Variants in CREB5 observed in about 807,000 individuals in gnomAD.
The protein encoded by CREB5 is cAMP responsive element binding protein 5.
In CREB5, 19 loss-of-function variants were observed where a neutral mutation model predicts 57.1. That is an observed-to-expected ratio of 0.33 (90% confidence interval 0.23 to 0.49). The LOEUF (loss-of-function observed/expected upper bound fraction) is 0.49, where lower values mean the gene tolerates loss of function less well. Among genes scored for constraint, CREB5 ranks in the 20% least tolerant of loss-of-function variants. CREB5 has a pLI of 0.99. For synonymous variants in CREB5, 238 were observed against 238.3 expected (o/e 1.00, Z 0.01); for missense variants, 579 against 671.6 (o/e 0.86, Z 1.52).
intron 1 of CREB5, among the ~76,000 whole-genome samples, chr7:28,359,258 A>G (rs1428413103): frequency 6.6e-6 from 1 of 152,154 alleles, no homozygotes; most frequent in African/African-American, 2.4e-5. Flanking sequence ...TGGCTGGATA[A>G]AGAGATAGTT....
intron 5 of CREB5, among the ~76,000 whole-genome samples, chr7:28,713,770 G>A (rs7806547): frequency 0.42 from 63,833 of 151,958 alleles, 14,255 homozygotes; most frequent in African/African-American, 0.56. Context: ...TTACAAGATG[G>A]TGAAATGGAG....
chr7:28,614,137 G>A (rs1797510584), intron 5 of CREB5, among the ~76,000 whole-genome samples: 1 of 151,918 alleles, frequency 6.6e-6, no homozygotes, highest in African/African-American at 2.4e-5. Context: ...TTTTTTGTAT[G>A]TTTATAAAGT....
intron 4 of CREB5, among the ~76,000 whole-genome samples, chr7:28,542,380 A>G (rs543477511): frequency 6.6e-6 from 1 of 152,328 alleles, no homozygotes; most frequent in East Asian, 1.9e-4. Flanking sequence ...TTCGGGGGGC[A>G]GGGGCAGAGG....
intron 5 of CREB5, among the ~76,000 whole-genome samples, chr7:28,594,686 T>A (rs1246495250): frequency 1.3e-5 from 2 of 152,134 alleles, no homozygotes; most frequent in African/African-American, 4.8e-5. Context: ...CAAGGCAAAA[T>A]AGAATGCTGA....
At chr7:28,773,281 T>C (rs1321072041) in intron 7 of CREB5, among the ~76,000 whole-genome samples, 1 of 152,162 alleles carries the variant, frequency 6.6e-6, no homozygotes, top group East Asian at 1.9e-4. Context: ...GGACCAAATA[T>C]ATAACATATA....
rs1795127001 is a variant in CREB5 at position 28,560,875 on chromosome 7, C to CGCGCGT, written c.292-9489_292-9488insCGCGTG. Among the ~76,000 whole-genome samples the CGCGCGT allele has an allele frequency of 5.7e-4, 11 of 19,216 alleles. 1 individual carries two copies. Among genetic ancestry groups the CGCGCGT allele is most frequent in the Non-Finnish European group, 1.1e-3 (11 of 10,116 alleles). The allele number at this position is 19,216 out of a possible 152,430, so 12.6% of individuals were successfully genotyped here. On this transcript the variant is annotated intron_variant, in intron 4 of 10. Coordinates refer to ENST00000357727, the MANE Select transcript of CREB5 (RefSeq NM_182898.4). ...GTGTGTGTGCGTGTGCCTGCGTGCG[C>CGCGCGT]GTGCGTGCGTGCGTGTGTGTGCGTG...
At chr7:28,722,828 A>T (rs1038536122) in intron 6 of CREB5, among the ~76,000 whole-genome samples, 55 of 152,228 alleles carry the variant, frequency 3.6e-4, no homozygotes, top group African/African-American at 1.2e-3. Context: ...TAACTGTCAC[A>T]GGGAGTAGCC....
At chr7:28,659,574 A>C (rs890741563) in intron 5 of CREB5, among the ~76,000 whole-genome samples, 6 of 152,158 alleles carry the variant, frequency 3.9e-5, no homozygotes, top group Non-Finnish European at 8.8e-5. Context: ...AGTTATATAA[A>C]TATATAACTC....
intron 5 of CREB5, among the ~76,000 whole-genome samples, chr7:28,707,295 G>A (rs116585921): frequency 1.1e-3 from 168 of 152,226 alleles, no homozygotes; most frequent in African/African-American, 3.7e-3. Flanking sequence ...TGCATTGATC[G>A]TCTTCAAAGG....
chr7:28,655,521 G>A (rs529275066), intron 5 of CREB5, among the ~76,000 whole-genome samples: 36 of 152,238 alleles, frequency 2.4e-4, no homozygotes, highest in African/African-American at 8.4e-4. Flanking sequence ...TGAGGAGAGA[G>A]AGAGAATTGC....
At chr7:28,608,975 T>C (rs114897007) in intron 5 of CREB5, 171 of 152,350 alleles carry the variant, frequency 1.1e-3, no homozygotes, top group African/African-American at 4.1e-3. Context: ...TCGTGATCTA[T>C]GACCTGCTTG....
intron 7 of CREB5, among the ~76,000 whole-genome samples, chr7:28,793,061 CAG>C (rs1807821164): frequency 6.6e-6 from 1 of 152,168 alleles, no homozygotes; most frequent in African/African-American, 2.4e-5. Context: ...GCTTAAGAAT[CAG>C]AGAGTATTGC....
chr7:28,336,308 G>C (rs566581033), intron 1 of CREB5, among the ~76,000 whole-genome samples: 1 of 152,184 alleles, frequency 6.6e-6, no homozygotes, highest in South Asian at 2.1e-4. Flanking sequence ...AAATTCAGCT[G>C]TGAAGCCATT....
At chr7:28,441,397 C>T (rs928094676) in intron 1 of CREB5, among the ~76,000 whole-genome samples, 5 of 152,200 alleles carry the variant, frequency 3.3e-5, no homozygotes, top group Admixed American at 2.6e-4. Flanking sequence ...TATAAAATGT[C>T]TGCCATTTGC....
chr7:28,783,526 A>T (rs143919243), intron 7 of CREB5, among the ~76,000 whole-genome samples: 20 of 152,240 alleles, frequency 1.3e-4, no homozygotes, highest in Non-Finnish European at 2.4e-4. Flanking sequence ...TGCATGCATT[A>T]TAACCATTTG....
chr7:28,494,883 CT>C (rs3216916), intron 2 of CREB5, 22 bp from the exon 3 acceptor site: 259 of 1,278,786 alleles, frequency 2.0e-4, no homozygotes, highest in Middle Eastern at 6.8e-4. Context: ...TCTCCCCTCC[CT>C]TTTTTTTTAT....
intron 1 of CREB5, among the ~76,000 whole-genome samples, chr7:28,373,093 C>T (rs2127994331): frequency 6.6e-6 from 1 of 152,276 alleles, no homozygotes; most frequent in East Asian, 1.9e-4. Context: ...GTCTGGACTC[C>T]AGCTCTAATA....
chr7:28,392,984 G>T (rs1163029181), intron 1 of CREB5, among the ~76,000 whole-genome samples: 1 of 151,884 alleles, frequency 6.6e-6, no homozygotes, highest in African/African-American at 2.4e-5. Flanking sequence ...GAGGGCCATG[G>T]TGTGATCTTG....
intron 1 of CREB5, among the ~76,000 whole-genome samples, chr7:28,330,178 T>C (rs753601677): frequency 1.4e-4 from 22 of 152,210 alleles, no homozygotes; most frequent in Non-Finnish European, 2.6e-4. Context: ...TTCTCTCGTG[T>C]TGCATGTGAT....
Sources: gnomAD v4.1 joint callset for allele counts (sites outside exome capture counted in the v4.1 genomes callset) on GRCh38, gnomAD v4.1.1 for gene constraint, MANE v1.5 for transcripts, NCBI Gene and HGNC (gene_info 2026-07-23, HGNC 2026-07-21) for gene names.